The following C12orf76 variants were observed in gnomAD, a reference collection of about 807,000 sequenced individuals.
C12orf76 encodes the protein chromosome 12 open reading frame 76, also known as uncharacterized protein C12orf76.
C12orf76 carries 6 observed loss-of-function variants against 6.8 expected under a neutral mutation model. The ratio of observed to expected loss-of-function variants is 0.88; its 90% confidence interval spans 0.48 to 1.73. The LOEUF is 1.73. Ranked by LOEUF, C12orf76 falls within the 40% of genes most tolerant of loss-of-function variation. The pLI is 0.01. For missense variants in C12orf76, 99 were observed against 98.2 expected, an observed-to-expected ratio of 1.01 and a Z score of -0.03; for synonymous variants, 56 against 43.7, an observed-to-expected ratio of 1.28 and a Z score of -1.11.
upstream of C12orf76, among the ~76,000 whole-genome samples, chr12:110,071,921 C>T (rs944706561): frequency 2.0e-5 from 3 of 152,112 alleles, no homozygotes; most frequent in Non-Finnish European, 2.9e-5. Flanking sequence ...AAGGGTGAAA[C>T]ATAGTTAACA....
At chr12:110,061,236 CT>C (rs1235021739) in intron 2 of C12orf76, among the ~76,000 whole-genome samples, 5 of 152,090 alleles carry the variant, frequency 3.3e-5, no homozygotes, top group African/African-American at 4.8e-5. Flanking sequence ...GCTCTTTCTC[CT>C]GCATTTCCTA....
Position 110,048,391 on chromosome 12 carries a change from C to A in C12orf76, c.105G>T (p.Pro35=), listed in dbSNP as rs572876017. 2 of 1,515,066 alleles carry A rather than the reference C, an allele frequency of 1.3e-6. No individual in the cohort carries two copies. The highest frequency in any genetic ancestry group is 1.8e-6 in the Non-Finnish European group (2 of 1,136,948). The allele number at this position is 1,515,066 out of a possible 1,614,324, so 93.9% of individuals were successfully genotyped here. ...GGTTCTGCCCTCGCAGCACCGCGTA[C>A]GGCCGGCTCCGCTCCAGCGGATCCA... ...SPVDPLERSR[P]YAVLRGQNLV... is the part of the protein sequence containing the mutation. The change falls in exon 1 of 2, where the codon CCG becomes CCT. Residue 35 remains proline (P), a synonymous_variant. Transcript: ENST00000615315.
chr12:110,061,485 TCCTCCAGTCTTACCCTGTCC>T (rs1262888268), intron 2 of C12orf76, among the ~76,000 whole-genome samples: 1 of 151,616 alleles, frequency 6.6e-6, no homozygotes, highest in African/African-American at 2.4e-5. Flanking sequence ...TGGTCTCCTT[TCCTCCAGTCTTACCCTGTCC>T]CCTCCACTCT....
At position 110,063,602 on chromosome 12, in the gene C12orf76, TTTTA is replaced by T. The variant is rs147216427; in HGVS notation, n.380+2254_380+2257del. Among the ~76,000 whole-genome samples the T allele has an allele frequency of 7.0e-3, 968 of 138,754 alleles. 7 individuals carry two copies. The highest frequency in any genetic ancestry group is 0.019 in the African/African-American group (712 of 37,134). The allele number at this position is 138,754 out of a possible 152,430, so 91.0% of individuals were successfully genotyped here. A position where few individuals can be genotyped will look rare whatever the true frequency, so the allele number is the denominator to read the frequency against. On this transcript the variant is annotated intron_variant and non_coding_transcript_variant, in intron 2 of 4. Coordinates refer to the C12orf76 transcript ENST00000309050. ...ACCACGCCTGGTGAGGGATTTTTAT[TTTTA>T]TTTATTTATTTATTTATTTATTTAT...
intron 4 of C12orf76, among the ~76,000 whole-genome samples, chr12:110,055,774 G>A (rs1892656842): frequency 6.6e-6 from 1 of 152,140 alleles, no homozygotes; most frequent in African/African-American, 2.4e-5. Context: ...ATCATAGGGA[G>A]TCGAAGCTGT....
At chr12:110,058,467 C>G (rs1274788512) in intron 3 of C12orf76, among the ~76,000 whole-genome samples, 1 of 152,178 alleles carries the variant, frequency 6.6e-6, no homozygotes, top group Non-Finnish European at 1.5e-5. Flanking sequence ...AGTTCAAGAC[C>G]AGGCTGGCCA....
upstream of C12orf76, among the ~76,000 whole-genome samples, chr12:110,070,770 G>GTTTTGT (rs914240105): frequency 2.0e-5 from 3 of 152,000 alleles, no homozygotes; most frequent in Admixed American, 6.6e-5. Context: ...AGCATGTTTT[G>GTTTTGT]TTTTGTTTTT....
intron 1 of C12orf76, among the ~76,000 whole-genome samples, chr12:110,066,406 G>T (rs777355579): frequency 4.3e-5 from 5 of 116,218 alleles, no homozygotes; most frequent in Non-Finnish European, 8.3e-5. Context: ...AAAAAAAAAC[G>T]GCTGGGCGCG....
At chr12:110,061,801 G>T (rs1892776883) in intron 2 of C12orf76, among the ~76,000 whole-genome samples, 1 of 151,832 alleles carries the variant, frequency 6.6e-6, no homozygotes, top group African/African-American at 2.4e-5. Context: ...CTCCCAAAGT[G>T]CTGGGATTAC....
chr12:110,059,252 A>G, intron 2 of C12orf76: 3 of 1,382,368 alleles, frequency 2.2e-6, no homozygotes, highest in Non-Finnish European at 2.9e-6. Context: ...AATTAGCTCT[A>G]TCTAATAGTT....
upstream of C12orf76, among the ~76,000 whole-genome samples, chr12:110,071,849 A>C (rs531457055): frequency 2.3e-4 from 35 of 152,266 alleles, no homozygotes; most frequent in Non-Finnish European, 4.4e-4. Context: ...GACCCCTCAT[A>C]CTCTGCTGGT....
intron 2 of C12orf76, among the ~76,000 whole-genome samples, chr12:110,061,111 A>T (rs572971409): frequency 6.6e-6 from 1 of 150,978 alleles, no homozygotes; most frequent in African/African-American, 2.4e-5. Flanking sequence ...AGAAACCTAC[A>T]TCTCAGCTCC....
At chr12:110,056,455 G>A (rs1463686051) in intron 4 of C12orf76, among the ~76,000 whole-genome samples, 1 of 152,042 alleles carries the variant, frequency 6.6e-6, no homozygotes, top group Non-Finnish European at 1.5e-5. Context: ...CGGGGAGGAT[G>A]GGTAAATTTT....
At chr12:110,043,115 T>A (rs1231077423) in intron 1 of C12orf76, among the ~76,000 whole-genome samples, 1 of 151,334 alleles carries the variant, frequency 6.6e-6, no homozygotes, top group Non-Finnish European at 1.5e-5. Flanking sequence ...AGTGAGGCTC[T>A]GCAGGGAGCA....
rs780281581 is a variant in C12orf76, at chr12:110,042,315, C to G, written c.*59G>C. 1.4e-6 allele frequency: 2 copies of G among 1,411,580 alleles called. No individual in the cohort carries two copies. The highest frequency in any genetic ancestry group is 2.0e-6 in the Non-Finnish European group (2 of 997,534). 87.4% of individuals were successfully genotyped at this position (1,411,580 alleles called of 1,614,324 possible). Reference sequence around the variant, plus strand: ...GTTTTGGTTCCAACTTCTCCACTGGCCTGTGTGCAACACAACTTATCCTAT... The same window carrying G: ...GTTTTGGTTCCAACTTCTCCACTGGGCTGTGTGCAACACAACTTATCCTAT... On this transcript the variant is annotated 3_prime_UTR_variant, in exon 2 of 2. Coordinates refer to ENST00000615315, the MANE Select transcript of C12orf76 (RefSeq NM_001389625.1).
intron 2 of C12orf76, among the ~76,000 whole-genome samples, chr12:110,063,940 A>C (rs1448593159): frequency 6.6e-6 from 1 of 152,146 alleles, no homozygotes; most frequent in African/African-American, 2.4e-5. Flanking sequence ...ACAAACAAAC[A>C]AACCAATGAG....
chr12:110,069,784 A>C (rs956300634), upstream of C12orf76, among the ~76,000 whole-genome samples: 14 of 152,238 alleles, frequency 9.2e-5, no homozygotes, highest in Non-Finnish European at 1.9e-4. Flanking sequence ...CAGTTGCTGA[A>C]TAATTGTACT....
upstream of C12orf76, chr12:110,048,566 C>T (rs1475431278): frequency 3.7e-6 from 5 of 1,341,640 alleles, no homozygotes; most frequent in African/African-American, 1.5e-5. Context: ...TCCCAGGTCT[C>T]TCTGCGTCGC....
upstream of C12orf76, among the ~76,000 whole-genome samples, chr12:110,051,713 C>T (rs1490525317): frequency 6.6e-6 from 1 of 151,880 alleles, no homozygotes; most frequent in African/African-American, 2.4e-5. Context: ...GTGTGAGCCA[C>T]CATGCCCGGC....
Sources: allele counts gnomAD v4.1 joint callset (sites outside exome capture counted in the v4.1 genomes callset), GRCh38; gene constraint gnomAD v4.1.1; transcripts MANE v1.5; gene names NCBI Gene and HGNC (gene_info 2026-07-23, HGNC 2026-07-21).